INO80: variants seen among roughly 807,000 people sequenced by gnomAD.
INO80 encodes the protein INO80 complex ATPase subunit.
INO80 carries 20 observed loss-of-function variants against 203.4 expected under a neutral mutation model. The ratio of observed to expected loss-of-function variants is 0.10; its 90% CI spans 0.07 to 0.14. The LOEUF (loss-of-function observed/expected upper bound fraction) is 0.14. INO80 is among the 10% of genes least tolerant of loss of function. The probability of loss-of-function intolerance (pLI) is 1.00; values close to 1 mark genes in which losing one functional copy is unlikely to be tolerated. For synonymous variants in INO80, 726 were observed against 685.2 expected (o/e 1.06, Z -0.93); for missense variants, 1,419 against 1,914.4 (o/e 0.74, Z 4.83).
intron 26 of INO80, 98 bp from the exon 27 acceptor site, chr15:41,016,313 A>C (rs2044210070): frequency 2.6e-6 from 3 of 1,176,260 alleles, no homozygotes; most frequent in Non-Finnish European, 3.6e-6. Context: ...ACTAAAACCA[A>C]GATGCTTGTC....
chr15:41,009,376 TC>T (rs1269609072), intron 27 of INO80, among the ~76,000 whole-genome samples: 1 of 80,152 alleles, frequency 1.2e-5, no homozygotes, highest in South Asian at 5.1e-4. Flanking sequence ...ATGCTATCCC[TC>T]CCCCCTCCCC....
At chr15:41,013,105 A>AACAACAG (rs2044156126) in intron 27 of INO80, 1 of 150,546 alleles carries the variant, frequency 6.6e-6, no homozygotes, top group African/African-American at 2.4e-5. Context: ...AACAACAACC[A>AACAACAG]CCACAACAAA....
Position 40,979,008 on chromosome 15 carries a change from C to T in INO80, c.*1215G>A, listed in dbSNP as rs1893705574. ...AAATAGCACATTCAAAGAGAAAAGG[C>T]TTGGCATTTTTCTGATTCCCTCTAA... is the stretch of plus-strand genomic sequence containing the variant. On this transcript the variant is annotated 3_prime_UTR_variant, in exon 36 of 36. Coordinates refer to ENST00000648947, the MANE Select transcript of INO80 (RefSeq NM_017553.3). The T allele has an allele frequency of 6.6e-6, 1 of 152,590 alleles. No individual in the cohort carries two copies. The highest frequency in any genetic ancestry group is 2.1e-4 in the South Asian group (1 of 4,834). 9.5% of individuals were successfully genotyped at this position (152,590 alleles called of 1,614,324 possible).
intron 27 of INO80, among the ~76,000 whole-genome samples, chr15:41,014,358 CTT>C (rs2044173358): frequency 6.6e-6 from 1 of 152,162 alleles, no homozygotes; most frequent in Non-Finnish European, 1.5e-5. Context: ...TTCCCTGCCT[CTT>C]GAGGACAAGG....
At chr15:41,080,902 G>C (rs989109371) in intron 8 of INO80, 118 bp downstream of exon 8, 5 of 703,082 alleles carry the variant, frequency 7.1e-6, no homozygotes, top group Non-Finnish European at 1.3e-5. Flanking sequence ...ACTCTCTTAC[G>C]AACTATTAGA....
chr15:41,005,338 A>T (rs2044025484), intron 28 of INO80: 1 of 355,734 alleles, frequency 2.8e-6, no homozygotes, highest in Non-Finnish European at 5.0e-6. Flanking sequence ...TATTATCCAA[A>T]GAAATAGGCA....
intron 14 of INO80, among the ~76,000 whole-genome samples, chr15:41,061,448 T>TAAA (rs1450423079): frequency 1.5e-4 from 6 of 39,886 alleles, no homozygotes; most frequent in African/African-American, 6.9e-4. Flanking sequence ...CTACCAAAAA[T>TAAA]ACAAAAAAAA....
chr15:40,992,066 G>A (rs942726114), intron 29 of INO80, among the ~76,000 whole-genome samples: 40 of 152,268 alleles, frequency 2.6e-4, no homozygotes, highest in Admixed American at 1.8e-3. Flanking sequence ...GTGAGCCACC[G>A]GGCCCTGCTG....
At chr15:41,107,025 C>T (rs1363195976) in intron 1 of INO80, among the ~76,000 whole-genome samples, 8 of 152,220 alleles carry the variant, frequency 5.3e-5, no homozygotes, top group Admixed American at 5.2e-4. Flanking sequence ...CGCTTATGTA[C>T]AGTCCCTTTT....
At chr15:41,087,502 G>A (rs1011649424) in intron 6 of INO80, 60 bp downstream of exon 6, 6 of 1,575,524 alleles carry the variant, frequency 3.8e-6, no homozygotes, top group African/African-American at 1.4e-5. Flanking sequence ...GCACCAGTAG[G>A]CCACATGCAA....
In INO80 at chr15:41,020,886, G is replaced by C; in HGVS notation, c.3274+14C>G. ...CAAAGCGAGGAACACATTCCAAGAG[G>C]ATTGAGAACTCACCTGGAATCCTGA... On this transcript the variant is annotated intron_variant, in intron 26 of 35. Transcript: ENST00000648947. 1 of 1,543,872 alleles carries C rather than the reference G, an allele frequency of 6.5e-7. No homozygotes were observed. Among genetic ancestry groups the C allele is most frequent in the African/African-American group, 1.4e-5 (1 of 73,604 alleles).
chr15:41,113,370 G>C (rs369222309), intron 1 of INO80, among the ~76,000 whole-genome samples: 1 of 152,036 alleles, frequency 6.6e-6, no homozygotes, highest in Non-Finnish European at 1.5e-5. Flanking sequence ...GGGTTCAAGC[G>C]ATTCTCCTGC....
chr15:40,984,774 T>C (rs762025861), intron 32 of INO80, among the ~76,000 whole-genome samples: 7 of 152,204 alleles, frequency 4.6e-5, no homozygotes, highest in South Asian at 2.1e-4. Flanking sequence ...CCAGCACTTA[T>C]TGAGGCTGAC....
chr15:41,074,605 A>G (rs769069008), intron 9 of INO80, 40 bp from the exon 10 acceptor site: 3 of 1,417,996 alleles, frequency 2.1e-6, no homozygotes, highest in African/African-American at 2.9e-5. Flanking sequence ...CAAATTATCA[A>G]TGATATCCAA....
At chr15:41,063,631 G>A (rs555770548) in intron 14 of INO80, among the ~76,000 whole-genome samples, 14 of 152,004 alleles carry the variant, frequency 9.2e-5, no homozygotes, top group East Asian at 5.8e-4. Context: ...AAAATTAGCC[G>A]GGCGTGGTGG....
At chr15:41,003,487 G>A (rs1161450031) in intron 28 of INO80, among the ~76,000 whole-genome samples, 1 of 151,306 alleles carries the variant, frequency 6.6e-6, no homozygotes, top group Non-Finnish European at 1.5e-5. Flanking sequence ...CCACCACCAC[G>A]CCCAGCTAAT....
intron 28 of INO80, among the ~76,000 whole-genome samples, chr15:41,001,388 A>G (rs1317486071): frequency 6.6e-6 from 1 of 152,184 alleles, no homozygotes; most frequent in Non-Finnish European, 1.5e-5. Context: ...ACATACCCAA[A>G]TAGTGCTAGG....
intron 7 of INO80, 30 bp from the exon 8 acceptor site, chr15:41,081,103 T>A: frequency 2.1e-6 from 3 of 1,407,794 alleles, no homozygotes; most frequent in Non-Finnish European, 3.0e-6. Flanking sequence ...ATATTTCATT[T>A]AGGATTCATT....
At chr15:41,022,682 T>C (rs1320508565) in intron 25 of INO80, among the ~76,000 whole-genome samples, 3 of 152,200 alleles carry the variant, frequency 2.0e-5, no homozygotes, top group Admixed American at 6.5e-5. Flanking sequence ...GTGCCATCTA[T>C]GGTCCAGATG....
Sources: allele counts gnomAD v4.1 joint callset (sites outside exome capture counted in the v4.1 genomes callset), GRCh38; gene constraint gnomAD v4.1.1; transcripts MANE v1.5; gene names NCBI Gene and HGNC (gene_info 2026-07-23, HGNC 2026-07-21).